ZSCAN4: variants seen among roughly 807,000 people sequenced by gnomAD.
ZSCAN4 encodes zinc finger and SCAN domain containing 4.
Under a neutral mutation model 18.3 loss-of-function variants are expected in ZSCAN4, and 18 were observed. That is an observed-to-expected ratio of 0.98 (90% CI 0.68 to 1.46). The LOEUF is 1.46. ZSCAN4 is among the 40% of genes most tolerant of loss of function. ZSCAN4 has a pLI of 0.00. For missense variants in ZSCAN4, 498 were observed against 511.4 expected (o/e 0.97, Z 0.25); for synonymous variants, 193 against 180.3 (o/e 1.07, Z -0.57).
At chr19:57,654,273 A>G in the ZSCAN4 span, among the ~76,000 whole-genome samples, 2 of 152,006 alleles carry the variant, frequency 1.3e-5, no homozygotes, top group South Asian at 4.2e-4. Flanking sequence ...CCAGTTTTCC[A>G]TAGAATTTAC....
At chr19:57,653,047 G>A in the ZSCAN4 span, among the ~76,000 whole-genome samples, 1 of 152,096 alleles carries the variant, frequency 6.6e-6, no homozygotes, top group Non-Finnish European at 1.5e-5. Context: ...ATCCCAGTGG[G>A]ATTATCAGCC....
chr19:57,669,071 T>A (rs1248919849), exon 1 of ZSCAN4: 5 of 149,586 alleles, frequency 3.3e-5, no homozygotes, highest in Non-Finnish European at 7.4e-5. Flanking sequence ...TTTTTTTTTT[T>A]TTTTTTTGAG....
At chr19:57,663,156 G>C in the ZSCAN4 span, among the ~76,000 whole-genome samples, 1 of 151,428 alleles carries the variant, frequency 6.6e-6, no homozygotes, top group Non-Finnish European at 1.5e-5. Flanking sequence ...GCCCGCCTCG[G>C]CCTCCCACAG....
At chr19:57,651,689 C>T in the ZSCAN4 span, among the ~76,000 whole-genome samples, 3 of 152,180 alleles carry the variant, frequency 2.0e-5, no homozygotes, top group African/African-American at 4.8e-5. Flanking sequence ...TGGAGGAATC[C>T]CTTTTTGCAA....
chr19:57,676,415 G>A, exon 3 of ZSCAN4: 1 of 1,614,212 alleles, frequency 6.2e-7, no homozygotes, highest in Non-Finnish European at 8.5e-7. Flanking sequence ...TAGTCCTGGA[G>A]CAGTTTATGA....
chr19:57,651,509 AC>A, the ZSCAN4 span, among the ~76,000 whole-genome samples: 2 of 151,986 alleles, frequency 1.3e-5, no homozygotes, highest in Non-Finnish European at 2.9e-5. Context: ...TCCCGCCTAG[AC>A]CTATAATTAC....
chr19:57,677,984 A>C lies in ZSCAN4; in HGVS notation c.467A>C (p.His156Pro), dbSNP rs1425786501. 2 of 1,602,214 alleles carry C rather than the reference A, an allele frequency of 1.2e-6. No homozygotes were observed. Among genetic ancestry groups the C allele is most frequent in the Admixed American group, 1.8e-5 (1 of 57,092 alleles). The change falls in exon 4 of 5, where the codon CAT becomes CCT. Residue 156 changes from histidine to proline, a missense_variant. Transcript: ENST00000318203. ...ATGCCCTTAAGAGATGTCATTGTTC[A>C]TCTCACAAAACAAGTGAATGCCCAA...
upstream of ZSCAN4, among the ~76,000 whole-genome samples, chr19:57,668,280 A>C (rs965119168): frequency 1.3e-4 from 19 of 151,802 alleles, no homozygotes; most frequent in African/African-American, 4.3e-4. Flanking sequence ...TGGTTTAATG[A>C]CATAGTTGGT....
exon 5 of ZSCAN4, chr19:57,678,839 C>G (rs1310606948): frequency 5.6e-6 from 9 of 1,613,806 alleles, no homozygotes; most frequent in Non-Finnish European, 7.6e-6. Context: ...CCACATACCA[C>G]CGCCATATGA....
At chr19:57,673,853 A>G (rs1984098709) in intron 2 of ZSCAN4, among the ~76,000 whole-genome samples, 1 of 152,142 alleles carries the variant, frequency 6.6e-6, no homozygotes. Context: ...TCCCAAGTTC[A>G]ACCCATTCTC....
chr19:57,678,509 G>C, exon 5 of ZSCAN4: 1 of 1,614,154 alleles, frequency 6.2e-7, no homozygotes. Flanking sequence ...AGGTACATCA[G>C]AAAGGATCCC....
chr19:57,666,574 CA>C (rs10553956), upstream of ZSCAN4, among the ~76,000 whole-genome samples: 11,300 of 141,082 alleles, frequency 0.08, 915 homozygotes, highest in African/African-American at 0.21. Context: ...TATTTTTTCT[CA>C]AAAAAAAAAA....
At chr19:57,653,403 A>AAAAT in the ZSCAN4 span, among the ~76,000 whole-genome samples, 1 of 151,742 alleles carries the variant, frequency 6.6e-6, no homozygotes, top group African/African-American at 2.4e-5. Flanking sequence ...AAAAAAAAAA[A>AAAAT]AAAAGGAAAG....
chr19:57,663,520 T>A, the ZSCAN4 span, among the ~76,000 whole-genome samples: 697 of 66,552 alleles, frequency 0.01, 23 homozygotes, highest in African/African-American at 0.042. Context: ...ACCATGTCTC[T>A]AAAAAAAAAA....
exon 4 of ZSCAN4, chr19:57,677,918 A>C: frequency 6.5e-7 from 1 of 1,536,346 alleles, no homozygotes. Context: ...TTACAGGTCC[A>C]CGTCCACATG....
chr19:57,663,029 C>G, the ZSCAN4 span, among the ~76,000 whole-genome samples: 1 of 151,260 alleles, frequency 6.6e-6, no homozygotes, highest in Non-Finnish European at 1.5e-5. Context: ...ACCCCCCACC[C>G]CCAATAGCTG....
At chr19:57,667,754 A>G (rs191905040), upstream of ZSCAN4, among the ~76,000 whole-genome samples, 59 of 152,202 alleles carry the variant, frequency 3.9e-4, no homozygotes, top group African/African-American at 1.4e-3. Flanking sequence ...CCTTTTCCTT[A>G]CAGCTCCTTA....
intron 2 of ZSCAN4, among the ~76,000 whole-genome samples, chr19:57,674,272 T>C (rs1984112314): frequency 6.6e-6 from 1 of 152,196 alleles, no homozygotes; most frequent in Non-Finnish European, 1.5e-5. Flanking sequence ...TACCTATTAC[T>C]TAAATAGTGA....
intron 2 of ZSCAN4, among the ~76,000 whole-genome samples, chr19:57,674,002 C>T (rs1415706296): frequency 2.0e-5 from 3 of 152,048 alleles, no homozygotes; most frequent in African/African-American, 7.3e-5. Context: ...GATCTGCCCG[C>T]CTCGGCCTCC....
Sources: gnomAD v4.1 joint callset for allele counts (sites outside exome capture counted in the v4.1 genomes callset) on GRCh38, gnomAD v4.1.1 for gene constraint, MANE v1.5 for transcripts, NCBI Gene and HGNC (gene_info 2026-07-23, HGNC 2026-07-21) for gene names.